Variants in GOLM2 observed in about 807,000 individuals in gnomAD.
The protein encoded by GOLM2 is golgi membrane protein 2.
In GOLM2, 26 loss-of-function variants were observed where a neutral mutation model predicts 55.9. The observed-to-expected ratio is 0.47, with a 90% CI of 0.34 to 0.65. The LOEUF (loss-of-function observed/expected upper bound fraction) is 0.65, where lower values mean the gene tolerates loss of function less well. Ranked by LOEUF, GOLM2 falls within the 30% of genes least tolerant of loss-of-function variation. The pLI is 0.01. For missense variants in GOLM2, 486 were observed against 531.8 expected (o/e 0.91, Z 0.85); for synonymous variants, 165 against 194.6 (o/e 0.85, Z 1.27).
chr15:44,290,928 T>C (rs747667065), intron 1 of GOLM2, among the ~76,000 whole-genome samples: 1 of 151,952 alleles, frequency 6.6e-6, no homozygotes, highest in Admixed American at 6.6e-5. Flanking sequence ...TTCAGCCTCC[T>C]GAGTAGCTGG....
chr15:44,395,613 G>T (rs971200911), intron 8 of GOLM2, among the ~76,000 whole-genome samples: 2 of 151,738 alleles, frequency 1.3e-5, no homozygotes, highest in Non-Finnish European at 2.9e-5. Flanking sequence ...AGGCCAAGGC[G>T]GGCGAATCAC....
intron 1 of GOLM2, among the ~76,000 whole-genome samples, chr15:44,308,733 G>T (rs1323321906): frequency 6.6e-6 from 1 of 152,096 alleles, no homozygotes; most frequent in African/African-American, 2.4e-5. Context: ...GAATAGCCGG[G>T]ACTGCAGGTG....
chr15:44,369,070 TATATATATA>T (rs2079307756), intron 6 of GOLM2, among the ~76,000 whole-genome samples: 5 of 16,974 alleles, frequency 2.9e-4, no homozygotes, highest in African/African-American at 1.3e-3. Flanking sequence ...GGATATATTA[TATATATATA>T]TATATATATA....
chr15:44,404,709 C>T (rs1437381186), intron 9 of GOLM2, among the ~76,000 whole-genome samples: 1 of 151,788 alleles, frequency 6.6e-6, no homozygotes, highest in Non-Finnish European at 1.5e-5. Flanking sequence ...TTTATTTTGC[C>T]TTCCATTTTG....
chr15:44,306,191 G>A (rs1244825745), intron 1 of GOLM2, among the ~76,000 whole-genome samples: 2 of 152,176 alleles, frequency 1.3e-5, no homozygotes, highest in African/African-American at 4.8e-5. Flanking sequence ...TGGAAAATGT[G>A]TTGTTTAGTG....
chr15:44,403,026 T>C lies in GOLM2; in HGVS notation c.1212T>C (p.Asp404=), dbSNP rs1319347435. 6.2e-7 allele frequency: 1 copy of C among 1,614,018 alleles called. No individual in the cohort carries two copies. The highest frequency in any genetic ancestry group is 1.7e-5 in the Admixed American group (1 of 59,984). The change falls in exon 9 of 10, where the codon GAT becomes GAC. Residue 404 remains aspartate (D), a synonymous_variant. Coordinates refer to ENST00000299957, the MANE Select transcript of GOLM2 (RefSeq NM_138423.4). The part of the protein sequence containing the change: ...QAELAYNEEE[D]GDGGEEDVQD... ...AGCTGGCTTACAATGAGGAAGAAGA[T>C]GGTGATGGTGGAGAGGAAGACGTCC...
At chr15:44,410,052 A>G (rs1372426514) in intron 9 of GOLM2, among the ~76,000 whole-genome samples, 1 of 152,194 alleles carries the variant, frequency 6.6e-6, no homozygotes, top group Non-Finnish European at 1.5e-5. Context: ...TTAAAGTCCT[A>G]AAAGATGTGT....
intron 8 of GOLM2, among the ~76,000 whole-genome samples, chr15:44,398,585 A>C (rs950520882): frequency 6.6e-6 from 1 of 152,022 alleles, no homozygotes; most frequent in Non-Finnish European, 1.5e-5. Flanking sequence ...AACAGTGACC[A>C]CAAGTGAATA....
intron 1 of GOLM2, among the ~76,000 whole-genome samples, chr15:44,320,632 C>G (rs538864562): frequency 6.6e-6 from 1 of 152,290 alleles, no homozygotes; most frequent in Admixed American, 6.5e-5. Flanking sequence ...CTTCATTCTT[C>G]AAAGCACCCA....
chr15:44,341,520 A>G (rs1192201273), intron 6 of GOLM2, among the ~76,000 whole-genome samples: 1 of 152,212 alleles, frequency 6.6e-6, no homozygotes, highest in East Asian at 1.9e-4. Context: ...AAATGGGAAT[A>G]CAAGAGATCT....
intron 6 of GOLM2, among the ~76,000 whole-genome samples, chr15:44,378,939 G>T (rs1353837755): frequency 6.6e-6 from 1 of 152,014 alleles, no homozygotes; most frequent in Non-Finnish European, 1.5e-5. Context: ...TAGAGATGGG[G>T]TTTCACCTTG....
intron 8 of GOLM2, among the ~76,000 whole-genome samples, chr15:44,393,557 G>A (rs1279364223): frequency 1.3e-5 from 2 of 152,080 alleles, no homozygotes; most frequent in Non-Finnish European, 2.9e-5. Context: ...ATTTATAAAA[G>A]GAATAAAGTG....
In GOLM2 at chr15:44,375,933, G is replaced by T. The variant is rs1276643740; in HGVS notation, c.803-3757G>T. ...GGATGATGCTGAGCTATATTTATTGGCATACAAAGATATATATGTTGGGCC... is the reference window on the plus strand; with the variant it reads ...GGATGATGCTGAGCTATATTTATTGTCATACAAAGATATATATGTTGGGCC... On this transcript the variant is annotated intron_variant, in intron 6 of 9. Transcript: ENST00000299957. Among the ~76,000 whole-genome samples, 3 of 152,106 alleles carry T rather than the reference G, an allele frequency of 2.0e-5. No individual in the cohort carries two copies. In the East Asian group the frequency reaches 5.8e-4, roughly 29 times the overall value.
rs2079632706 is a variant in GOLM2 at position 44,410,778 on chromosome 15, T to G, written c.1241-2558T>G. On this transcript the variant is annotated intron_variant, in intron 9 of 9. Coordinates refer to ENST00000299957, the MANE Select transcript of GOLM2 (RefSeq NM_138423.4). ...ATTAGCTGGGCATGTGGTGTGTGCC[T>G]GTAGTCCTAGCTACTCAGAAAGTTG... Among the ~76,000 whole-genome samples, 2 of 151,042 alleles carry G rather than the reference T, an allele frequency of 1.3e-5. 1 individual carries two copies. The highest frequency in any genetic ancestry group is 4.2e-4 in the South Asian group (2 of 4,748).
At chr15:44,412,998 G>T (rs1340430715) in intron 9 of GOLM2, among the ~76,000 whole-genome samples, 1 of 147,520 alleles carries the variant, frequency 6.8e-6, no homozygotes, top group Non-Finnish European at 1.5e-5. Context: ...GTGAGAGTCG[G>T]TCTCAAAAAA....
intron 1 of GOLM2, among the ~76,000 whole-genome samples, chr15:44,316,330 T>TA (rs535332462): frequency 1.3e-5 from 2 of 151,548 alleles, no homozygotes; most frequent in East Asian, 1.9e-4. Context: ...ACTCCATCTC[T>TA]AAAAAAAATG....
At chr15:44,410,626 G>A (rs561438445) in intron 9 of GOLM2, among the ~76,000 whole-genome samples, 1 of 151,474 alleles carries the variant, frequency 6.6e-6, no homozygotes, top group Non-Finnish European at 1.5e-5. Flanking sequence ...GCTGGGTGCA[G>A]TGGTCACAGC....
At chr15:44,313,558 C>T (rs936834767) in intron 1 of GOLM2, among the ~76,000 whole-genome samples, 1 of 152,182 alleles carries the variant, frequency 6.6e-6, no homozygotes, top group African/African-American at 2.4e-5. Context: ...ACTTTATGTG[C>T]TAATGACTCC....
At chr15:44,305,458 C>G (rs1488160660) in intron 1 of GOLM2, among the ~76,000 whole-genome samples, 2 of 151,986 alleles carry the variant, frequency 1.3e-5, no homozygotes, top group African/African-American at 4.8e-5. Context: ...GCCTCTACAC[C>G]TGGCTAATTT....
Sources: allele counts gnomAD v4.1 joint callset (sites outside exome capture counted in the v4.1 genomes callset), GRCh38; gene constraint gnomAD v4.1.1; transcripts MANE v1.5; gene names NCBI Gene and HGNC (gene_info 2026-07-23, HGNC 2026-07-21).